ASTL: variants seen among roughly 807,000 people sequenced by gnomAD.
ASTL encodes astacin-like metalloendopeptidase.
ASTL carries 27 observed loss-of-function variants against 36.7 expected under a neutral mutation model. The ratio of observed to expected loss-of-function variants is 0.73; its 90% CI spans 0.54 to 1.01. ASTL has a LOEUF of 1.01. ASTL is among the 50% of genes least tolerant of loss of function. The pLI, the probability that ASTL is intolerant of heterozygous loss-of-function variation, is 0.00. For missense variants in ASTL, 524 were observed against 572.8 expected (o/e 0.91, Z 0.87); for synonymous variants, 222 against 228.1 (o/e 0.97, Z 0.24).
chr2:96,131,773 C>G (rs1053502480), intron 6 of ASTL, among the ~76,000 whole-genome samples: 2 of 152,170 alleles, frequency 1.3e-5, no homozygotes. Context: ...TGAAAGGTCT[C>G]GTGCTGGACG....
At position 96,124,200 on chromosome 2, in the gene ASTL, G is replaced by C. The variant is rs751199246; in HGVS notation, c.946C>G (p.Leu316Val). Residue 316 changes from leucine to valine, a missense_variant, in exon 9 of 9, where the codon CTG becomes GTG. Leu to Val is a conservative substitution (Grantham distance 32, BLOSUM62 1). Coordinates refer to ENST00000342380, the MANE Select transcript of ASTL (RefSeq NM_001002036.4). The surrounding 1 kb of genome is among the most constrained non-coding windows in gnomAD (Gnocchi z 4.1). ...TCGGGGCTCCTGGATTCCGCCGACA[G>C]TGCCTCCAAAAGCCGCTGCAGAGAT... ...SLSLQRLLEA[L>V]SAESRSPDPS... 1.8e-5 allele frequency: 27 copies of C among 1,525,858 alleles called. No individual in the cohort carries two copies. Among genetic ancestry groups the C allele is most frequent in the Middle Eastern group, 1.8e-4 (1 of 5,600 alleles). 94.5% of individuals were successfully genotyped at this position (1,525,858 alleles called of 1,614,324 possible). A position where few individuals can be genotyped will look rare whatever the true frequency, so the allele number is the denominator to read the frequency against.
intron 6 of ASTL, among the ~76,000 whole-genome samples, chr2:96,130,999 G>A (rs943920485): frequency 3.9e-5 from 6 of 152,156 alleles, no homozygotes; most frequent in African/African-American, 1.4e-4. Flanking sequence ...GTCTGCCCTG[G>A]CAGTTTCTGT....
intron 8 of ASTL, among the ~76,000 whole-genome samples, chr2:96,125,618 T>C (rs1682049258): frequency 1.3e-5 from 2 of 152,006 alleles, no homozygotes; most frequent in Admixed American, 6.5e-5. Flanking sequence ...ACCTCCCAAT[T>C]CCCTAGTCAT....
Position 96,138,408 on chromosome 2 carries a change from C to T in ASTL, c.29G>A (p.Trp10Ter). 6.2e-7 allele frequency: 1 copy of T among 1,610,922 alleles called. No homozygotes were observed. The change falls in exon 1 of 9, where the codon TGG (tryptophan) becomes TAG (stop). Residue 10 changes from tryptophan to a stop codon, truncating the protein, a stop_gained. Transcript: ENST00000342380. LOFTEE classifies it high-confidence loss of function. ...TGGCAAGGAGAGCAGACCCAGCACC[C>T]AAGGCCAGAGACCCCCTACACCCTC... MEGVGGLWPWVLGLLSLPGV... is the reference protein window; with the variant it reads MEGVGGLWP
rs749770140 is a variant in ASTL at position 96,133,946 on chromosome 2, G to A, written c.337+19C>T. 6.4e-7 allele frequency: 1 copy of A among 1,554,104 alleles called. No individual in the cohort carries two copies. The highest frequency in any genetic ancestry group is 8.9e-7 in the Non-Finnish European group (1 of 1,125,466). ...AAGAAGGGGCTGAGGCAGGGAGGGA[G>A]CGCGCCATGCTCACTCACCGTACTT... is the stretch of plus-strand genomic sequence containing the variant. On this transcript the variant is annotated intron_variant, in intron 4 of 8. Transcript: ENST00000342380.
rs1682193667 is a variant in ASTL, at chr2:96,132,204, A to G, written c.637+336T>C. Among the ~76,000 whole-genome samples, 1 of 152,156 alleles carries G rather than the reference A, an allele frequency of 6.6e-6. No homozygotes were observed. Among genetic ancestry groups the G allele is most frequent in the Non-Finnish European group, 1.5e-5 (1 of 68,018 alleles). The stretch of plus-strand genomic sequence containing the variant: ...GTATCTGGTACATGAGACCGCTGCT[A>G]GAGTACTCAACAAGCAGGTATCATG... On this transcript the variant is annotated intron_variant, in intron 6 of 8. Coordinates refer to ENST00000342380, the MANE Select transcript of ASTL (RefSeq NM_001002036.4). This position sits in a 1 kb window ranked among gnomAD's most constrained non-coding sequence, Gnocchi z 5.4.
rs1682016785 is a variant in ASTL, at chr2:96,124,160, C to G, written c.986G>C (p.Ser329Thr). ...TGCAGGAACGGGCTGGCCTCCCGCA[C>G]TGGAACCACTGGGGTCGGGGCTCCT... ...ESRSPDPSGS[S>T]AGGQPVPAGP... The change falls in exon 9 of 9, where the codon AGT (serine) becomes ACT (threonine). Residue 329 changes from serine to threonine, a missense_variant. Coordinates refer to ENST00000342380, the MANE Select transcript of ASTL (RefSeq NM_001002036.4). The surrounding 1 kb of genome is among the most constrained non-coding windows in gnomAD (Gnocchi z 4.1). 6.4e-7 allele frequency: 1 copy of G among 1,554,192 alleles called. No homozygotes were observed. Among genetic ancestry groups the G allele is most frequent in the Admixed American group, 1.9e-5 (1 of 51,554 alleles).
intron 8 of ASTL, 132 bp downstream of exon 8, chr2:96,129,692 G>A (rs138858230): frequency 1.5e-4 from 115 of 791,152 alleles, no homozygotes; most frequent in East Asian, 4.5e-4. Context: ...GTTCTGCGTC[G>A]TTGTGGCAAG....
chr2:96,132,844 TG>T lies in ASTL; in HGVS notation c.456-124del. 1.2e-6 allele frequency: 1 copy of T among 859,480 alleles called. No individual in the cohort carries two copies. The highest frequency in any genetic ancestry group is 1.7e-6 in the Non-Finnish European group (1 of 578,518). The allele number at this position is 859,480 out of a possible 1,614,324, so 53.2% of individuals were successfully genotyped here. On this transcript the variant is annotated intron_variant, in intron 5 of 8. Transcript: ENST00000342380. This position sits in a 1 kb window ranked among gnomAD's most constrained non-coding sequence, Gnocchi z 5.4. Reference sequence around the variant, plus strand: ...AACTCCCAACAGGCAGGCCCCACTCTGGGCTCTAGTCTCAGGTTCACCATTC... The same window carrying T: ...AACTCCCAACAGGCAGGCCCCACTCTGGCTCTAGTCTCAGGTTCACCATTC...
intron 8 of ASTL, among the ~76,000 whole-genome samples, chr2:96,126,149 G>T (rs900719219): frequency 1.3e-5 from 2 of 152,302 alleles, no homozygotes; most frequent in Middle Eastern, 3.4e-3. Context: ...CACCAAAAAG[G>T]AGTGACAAAA....
chr2:96,133,231 G>T (rs528223112), intron 5 of ASTL, among the ~76,000 whole-genome samples, 194 bp downstream of exon 5: 1 of 152,182 alleles, frequency 6.6e-6, no homozygotes, highest in South Asian at 2.1e-4. Context: ...TAAATGGAGG[G>T]TCTAGCACCG....
At chr2:96,128,264 T>C (rs1181334389) in intron 8 of ASTL, among the ~76,000 whole-genome samples, 1 of 152,006 alleles carries the variant, frequency 6.6e-6, no homozygotes, top group African/African-American at 2.4e-5. Context: ...TTGTAACCTG[T>C]ATTTTCACTT....
chr2:96,130,364 G>T (rs1452970395), intron 6 of ASTL, among the ~76,000 whole-genome samples: 3 of 152,074 alleles, frequency 2.0e-5, no homozygotes, highest in Non-Finnish European at 4.4e-5. Context: ...GGACCCCATG[G>T]CTGGCCAACC....
chr2:96,131,510 C>T (rs577641087), intron 6 of ASTL, among the ~76,000 whole-genome samples: 5 of 152,280 alleles, frequency 3.3e-5, no homozygotes, highest in African/African-American at 9.6e-5. Context: ...AACTGTTCCA[C>T]GAGCATTGGG....
At position 96,124,089 on chromosome 2, in the gene ASTL, T is replaced by C. The variant is rs1416252194; in HGVS notation, c.1057A>G (p.Lys353Glu). The change falls in exon 9 of 9, where the codon AAG becomes GAG. Residue 353 changes from lysine (K) to glutamate (E), a missense_variant. Physicochemically the swap from Lys to Glu is moderately conservative, Grantham distance 56. Coordinates refer to ENST00000342380, the MANE Select transcript of ASTL (RefSeq NM_001002036.4). This position sits in a 1 kb window ranked among gnomAD's most constrained non-coding sequence, Gnocchi z 4.1. ...CTTGCCGAGGCCTCTGCACTGAGCT[T>C]TTTCAGGGCAGGGGACTCCCACCCA... ...PHGWESPALK[K>E]LSAEASARQP... is the part of the protein sequence containing the mutation. 7 of 1,610,790 alleles carry C rather than the reference T, an allele frequency of 4.3e-6. No individual in the cohort carries two copies. Among genetic ancestry groups the C allele is most frequent in the Non-Finnish European group, 1.7e-6 (2 of 1,178,008 alleles).
Position 96,124,938 on chromosome 2 carries a change from C to G in ASTL, c.875-667G>C, listed in dbSNP as rs1412314985. On this transcript the variant is annotated intron_variant, in intron 8 of 8. Coordinates refer to ENST00000342380, the MANE Select transcript of ASTL (RefSeq NM_001002036.4). This position sits in a 1 kb window ranked among gnomAD's most constrained non-coding sequence, Gnocchi z 4.1. ...CACACTTCAACTGGTGACTCTTCTA[C>G]CAGGTCCTGTTAGCCTCACAGCCCA... Among the ~76,000 whole-genome samples, 1 of 152,232 alleles carries G rather than the reference C, an allele frequency of 6.6e-6. No homozygotes were observed. Among genetic ancestry groups the G allele is most frequent in the Non-Finnish European group, 1.5e-5 (1 of 68,048 alleles).
Position 96,123,266 on chromosome 2 carries a change from A to G in ASTL, c.*584T>C, listed in dbSNP as rs188126676. 1.0e-3 allele frequency among the ~76,000 whole-genome samples: 154 copies of G among 152,310 alleles called. 1 individual carries two copies. Among genetic ancestry groups the G allele is most frequent in the East Asian group, 9.5e-3 (49 of 5,172 alleles). ...GCCCCACTTCTTTCTCGTCTCCCCA[A>G]TGGTGGCCACACTTGACCTACCACC... On this transcript the variant is annotated 3_prime_UTR_variant, in exon 9 of 9. Coordinates refer to ENST00000342380, the MANE Select transcript of ASTL (RefSeq NM_001002036.4).
intron 8 of ASTL, among the ~76,000 whole-genome samples, chr2:96,127,662 C>A (rs1016127625): frequency 6.6e-6 from 1 of 151,990 alleles, no homozygotes; most frequent in Non-Finnish European, 1.5e-5. Context: ...CAACCTCCGC[C>A]TCCCAGGTTC....
In ASTL at chr2:96,124,159, A is replaced by C; in HGVS notation, c.987T>G (p.Ser329Arg). 6.4e-7 allele frequency: 1 copy of C among 1,554,136 alleles called. No homozygotes were observed. Among genetic ancestry groups the C allele is most frequent in the East Asian group, 2.3e-5 (1 of 44,364 alleles). ...ESRSPDPSGS[S>R]AGGQPVPAGP... Reference sequence around the variant, plus strand: ...CTGCAGGAACGGGCTGGCCTCCCGCACTGGAACCACTGGGGTCGGGGCTCC... The same window carrying C: ...CTGCAGGAACGGGCTGGCCTCCCGCCCTGGAACCACTGGGGTCGGGGCTCC... Residue 329 changes from serine to arginine, a missense_variant, in exon 9 of 9, where the codon AGT becomes AGG. Transcript: ENST00000342380. The surrounding 1 kb of genome is among the most constrained non-coding windows in gnomAD (Gnocchi z 4.1).
Sources: gnomAD v4.1 joint callset for allele counts (sites outside exome capture counted in the v4.1 genomes callset) on GRCh38, gnomAD v4.1.1 for gene constraint, Gnocchi (gnomAD v3.1) non-coding constraint, MANE v1.5 for transcripts, NCBI Gene and HGNC (gene_info 2026-07-23, HGNC 2026-07-21) for gene names.